The following HMGB2 variants were observed in gnomAD, a reference collection of about 807,000 sequenced individuals.
HMGB2 encodes the protein high mobility group box 2.
In HMGB2, 2 loss-of-function variants were observed where a neutral mutation model predicts 23.0. The observed-to-expected ratio is 0.09, with a 90% CI of 0.04 to 0.27. HMGB2 has a LOEUF of 0.27. Among genes scored for constraint, HMGB2 ranks in the 10% least tolerant of loss-of-function variants. HMGB2 has a pLI of 1.00. For synonymous variants in HMGB2, 99 were observed against 87.5 expected (o/e 1.13, Z -0.73); for missense variants, 178 against 256.5 (o/e 0.69, Z 2.09).
chr4:173,332,616 G>A (rs1291478536), intron 4 of HMGB2: 2 of 558,224 alleles, frequency 3.6e-6, no homozygotes, highest in East Asian at 2.9e-5. Flanking sequence ...AAGTCTGTCT[G>A]CAGGAATATA....
chr4:173,332,158 C>T lies in HMGB2; in HGVS notation c.552G>A (p.Lys184=). 1.2e-6 allele frequency: 2 copies of T among 1,613,452 alleles called. No homozygotes were observed. Among genetic ancestry groups the T allele is most frequent in the South Asian group, 1.1e-5 (1 of 91,042 alleles). The change falls in exon 5 of 5, where the codon AAG becomes AAA. Residue 184 remains lysine, a synonymous_variant. Coordinates refer to ENST00000296503, the MANE Select transcript of HMGB2 (RefSeq NM_002129.4). ...CCTCCTCCTCATCTTCTGGTTCGTT[C>T]TTCTTCTTTGAGCCTGTTGGCCTGC... ...GPGRPTGSKK[K]NEPEDEEEEE...
chr4:173,333,856 C>CCCT lies in HMGB2; in HGVS notation c.-20-190_-20-188dup, dbSNP rs532000010. Reference sequence around the variant, plus strand: ...GCCCCCGCCCGCGCCCCGGCGCACACCCTCCTCCTCCTCCTCCTCCCGGCC... The same window carrying CCCT: ...GCCCCCGCCCGCGCCCCGGCGCACACCCTCCTCCTCCTCCTCCTCCTCCCGGCC... On this transcript the variant is annotated intron_variant, in intron 1 of 4. Coordinates refer to ENST00000296503, the MANE Select transcript of HMGB2 (RefSeq NM_002129.4). The surrounding 1 kb of genome is among the most constrained non-coding windows in gnomAD (Gnocchi z 4.6). Among the ~76,000 whole-genome samples, 1,080 of 151,324 alleles carry CCCT rather than the reference C, an allele frequency of 7.1e-3. 8 individuals are homozygous for CCCT. The highest frequency in any genetic ancestry group is 0.024 in the African/African-American group (1,007 of 41,292).
Position 173,333,654 on chromosome 4 carries a change from A to G in HMGB2, c.-5T>C. The stretch of plus-strand genomic sequence containing the variant: ...GTTGGGGTCTCCTTTACCCATGTTG[A>G]CAGATCCGCGTCCACCTGACGGGGC... On this transcript the variant is annotated 5_prime_UTR_variant, in exon 2 of 5. Transcript: ENST00000296503. This position sits in a 1 kb window ranked among gnomAD's most constrained non-coding sequence, Gnocchi z 4.6. 2.5e-6 allele frequency: 4 copies of G among 1,605,274 alleles called. No homozygotes were observed. Among genetic ancestry groups the G allele is most frequent in the Non-Finnish European group, 2.6e-6 (3 of 1,175,176 alleles).
chr4:173,333,532 C>T lies in HMGB2; in HGVS notation c.118G>A (p.Glu40Lys). ...CTCTCCGAACACTTCTTGGAGAATTCCGCGAAATTGACGGAAGAGTCCGGG... is the reference window on the plus strand; with the variant it reads ...CTCTCCGAACACTTCTTGGAGAATTTCGCGAAATTGACGGAAGAGTCCGGG... ...KHPDSSVNFAEFSKKCSERWK... is the reference protein window; with the variant it reads ...KHPDSSVNFAKFSKKCSERWK... Residue 40 changes from glutamate to lysine, a missense_variant, in exon 2 of 5, where the codon GAA becomes AAA. Around this residue, in one of 3 missense-constraint regions of HMGB2, gnomAD observed 90 missense variants for 114.4 expected, o/e 0.79. Transcript: ENST00000296503. This position sits in a 1 kb window ranked among gnomAD's most constrained non-coding sequence, Gnocchi z 4.6. The T allele has an allele frequency of 6.2e-7, 1 of 1,614,110 alleles. No homozygotes were observed. The highest frequency in any genetic ancestry group is 1.1e-5 in the South Asian group (1 of 91,068).
chr4:173,333,909 T>C lies in HMGB2; in HGVS notation c.-20-240A>G, dbSNP rs560382891. 40 of 241,422 alleles carry C rather than the reference T, an allele frequency of 1.7e-4. No individual in the cohort carries two copies. The highest frequency in any genetic ancestry group is 8.2e-4 in the African/African-American group (36 of 44,024). 15.0% of individuals were successfully genotyped at this position (241,422 alleles called of 1,614,324 possible). On this transcript the variant is annotated intron_variant, in intron 1 of 4. Transcript: ENST00000296503. This position sits in a 1 kb window ranked among gnomAD's most constrained non-coding sequence, Gnocchi z 4.6. The stretch of plus-strand genomic sequence containing the variant: ...AGCGGCCGCGGCTCAGCCCAGCAAG[T>C]GGCTCCCGGGGCCCGAGACGCCGCC...
Position 173,332,068 on chromosome 4 carries a change from A to G in HMGB2, c.*12T>C. 1 of 1,613,862 alleles carries G rather than the reference A, an allele frequency of 6.2e-7. No homozygotes were observed. Among genetic ancestry groups the G allele is most frequent in the Non-Finnish European group, 8.5e-7 (1 of 1,179,928 alleles). ...CACACACATTCCACACGCATCATTA[A>G]AGGATAGCCATTTATTCTTCATCTT... On this transcript the variant is annotated 3_prime_UTR_variant, in exon 5 of 5. Coordinates refer to ENST00000296503, the MANE Select transcript of HMGB2 (RefSeq NM_002129.4).
rs1178414280 is a variant in HMGB2 at position 173,331,394 on chromosome 4, A to ATG, written c.*684_*685dup. Among the ~76,000 whole-genome samples, 134 of 138,872 alleles carry ATG rather than the reference A, an allele frequency of 9.6e-4. 2 individuals carry two copies. Among genetic ancestry groups the ATG allele is most frequent in the Middle Eastern group, 7.4e-3 (2 of 272 alleles). The allele number at this position is 138,872 out of a possible 152,430, so 91.1% of individuals were successfully genotyped here. ...TATATACATATATATATATATATAT[A>ATG]TGTATATATATATACACACACCTGA... On this transcript the variant is annotated 3_prime_UTR_variant, in exon 5 of 5. Coordinates refer to ENST00000296503, the MANE Select transcript of HMGB2 (RefSeq NM_002129.4).
rs1003227564 is a variant in HMGB2 at position 173,331,606 on chromosome 4, C to A, written c.*474G>T. On this transcript the variant is annotated 3_prime_UTR_variant, in exon 5 of 5. Transcript: ENST00000296503. ...TCAACTGTGTCTAAGAACTACTAGG[C>A]AGAAATACCGAAAAAAATCAACATA... 2 of 151,796 alleles carry A rather than the reference C, an allele frequency of 1.3e-5. No homozygotes were observed. Among genetic ancestry groups the A allele is most frequent in the African/African-American group, 4.9e-5 (2 of 41,190 alleles). The allele number at this position is 151,796 out of a possible 1,614,324, so 9.4% of individuals were successfully genotyped here.
Position 173,332,076 on chromosome 4 carries a change from C to A in HMGB2, c.*4G>T. ...TTCCACACGCATCATTAAAGGATAG[C>A]CATTTATTCTTCATCTTCATCCTCT... On this transcript the variant is annotated 3_prime_UTR_variant, in exon 5 of 5. Transcript: ENST00000296503. 2 of 1,613,712 alleles carry A rather than the reference C, an allele frequency of 1.2e-6. No individual in the cohort carries two copies. Among genetic ancestry groups the A allele is most frequent in the Non-Finnish European group, 8.5e-7 (1 of 1,179,790 alleles).
intron 4 of HMGB2, 64 bp from the exon 5 acceptor site, chr4:173,332,302 T>C (rs1287927999): frequency 1.6e-6 from 2 of 1,240,662 alleles, no homozygotes; most frequent in East Asian, 4.7e-5. Flanking sequence ...AACCACTTAG[T>C]TGTAAACAAT....
chr4:173,333,845 C>G lies in HMGB2; in HGVS notation c.-20-176G>C, dbSNP rs1365444674. On this transcript the variant is annotated intron_variant, in intron 1 of 4. Transcript: ENST00000296503. The surrounding 1 kb of genome is among the most constrained non-coding windows in gnomAD (Gnocchi z 4.6). ...CGGCCGCCCGCGCCCCCGCCCGCGC[C>G]CCGGCGCACACCCTCCTCCTCCTCC... Among the ~76,000 whole-genome samples the G allele has an allele frequency of 6.6e-6, 1 of 151,548 alleles. No individual in the cohort carries two copies. The highest frequency in any genetic ancestry group is 1.5e-5 in the Non-Finnish European group (1 of 67,824).
rs930020982 is a variant in HMGB2, at chr4:173,333,382, C to G, written c.150+118G>C. 7.2e-6 allele frequency: 10 copies of G among 1,396,446 alleles called. No homozygotes were observed. The Admixed American group carries it at 2.0e-4, about 28-fold the overall frequency. 86.5% of individuals were successfully genotyped at this position (1,396,446 alleles called of 1,614,324 possible). A position where few individuals can be genotyped will look rare whatever the true frequency, so the allele number is the denominator to read the frequency against. On this transcript the variant is annotated intron_variant, in intron 2 of 4. Coordinates refer to ENST00000296503, the MANE Select transcript of HMGB2 (RefSeq NM_002129.4). This position sits in a 1 kb window ranked among gnomAD's most constrained non-coding sequence, Gnocchi z 4.6. The stretch of plus-strand genomic sequence containing the variant: ...GTCTGCCTGGAACTCTTAAGATATT[C>G]AGGTGAGTCACTGGGGTGGCAAAGT...
chr4:173,332,534 ATTTC>A (rs949083186), intron 4 of HMGB2: 23 of 473,378 alleles, frequency 4.9e-5, no homozygotes, highest in Admixed American at 7.5e-5. Context: ...ACATAAAACA[ATTTC>A]TTTGACTCTC....
Position 173,333,770 on chromosome 4 carries a change from G to T in HMGB2, c.-20-101C>A. On this transcript the variant is annotated intron_variant, in intron 1 of 4. Transcript: ENST00000296503. This position sits in a 1 kb window ranked among gnomAD's most constrained non-coding sequence, Gnocchi z 4.6. The stretch of plus-strand genomic sequence containing the variant: ...GGGGCTCCGCTTCCCGCCCAAATCC[G>T]CTCCCGCCCTGCCCGCGCCCCCCTC... The T allele has an allele frequency of 1.1e-6, 1 of 888,822 alleles. No homozygotes were observed. 55.1% of individuals were successfully genotyped at this position (888,822 alleles called of 1,614,324 possible). A position where few individuals can be genotyped will look rare whatever the true frequency, so the allele number is the denominator to read the frequency against.
rs757391852 is a variant in HMGB2 at position 173,333,474 on chromosome 4, T to C, written c.150+26A>G. 2 of 1,601,542 alleles carry C rather than the reference T, an allele frequency of 1.2e-6. No individual in the cohort carries two copies. The highest frequency in any genetic ancestry group is 1.3e-5 in the African/African-American group (1 of 74,780). On this transcript the variant is annotated intron_variant, in intron 2 of 4. Transcript: ENST00000296503. The surrounding 1 kb of genome is among the most constrained non-coding windows in gnomAD (Gnocchi z 4.6). ...AGCCGAAAACCACACCTGCACCCCC[T>C]GAGCTCCGTCCCTCTCCTGCCTCAC...
chr4:173,332,779 T>C, intron 4 of HMGB2, 42 bp downstream of exon 4: 4 of 1,550,162 alleles, frequency 2.6e-6, no homozygotes, highest in Non-Finnish European at 3.6e-6. Context: ...TTATTACCTA[T>C]ACCTAGTCTT....
intron 4 of HMGB2, chr4:173,332,553 TAAA>T (rs199668972): frequency 0.052 from 21,241 of 407,830 alleles, 841 homozygotes; most frequent in African/African-American, 0.13. Context: ...ACTCTCTGCT[TAAA>T]AAAAAAAATA....
At position 173,333,412 on chromosome 4, in the gene HMGB2, G is replaced by A. The variant is rs1738159197; in HGVS notation, c.150+88C>T. 9 of 1,494,526 alleles carry A rather than the reference G, an allele frequency of 6.0e-6. No homozygotes were observed. Among genetic ancestry groups the A allele is most frequent in the African/African-American group, 1.4e-5 (1 of 71,542 alleles). 92.6% of individuals were successfully genotyped at this position (1,494,526 alleles called of 1,614,324 possible). ...GAGTCACTGGGGTGGCAAAGTTGAA[G>A]CTCATGAGTTGCCTACTACCTGCCT... On this transcript the variant is annotated intron_variant, in intron 2 of 4. Coordinates refer to ENST00000296503, the MANE Select transcript of HMGB2 (RefSeq NM_002129.4). This position sits in a 1 kb window ranked among gnomAD's most constrained non-coding sequence, Gnocchi z 4.6.
Position 173,333,001 on chromosome 4 carries a change from A to G in HMGB2, c.297-6T>C. ...AAAACAGGAAGAAGGCAGATCTGAA[A>G]GGAAGCAACAGAGTTTAATAAACTG... On this transcript the variant is annotated splice_region_variant and splice_polypyrimidine_tract_variant and intron_variant, in intron 3 of 4. Coordinates refer to ENST00000296503, the MANE Select transcript of HMGB2 (RefSeq NM_002129.4). The surrounding 1 kb of genome is among the most constrained non-coding windows in gnomAD (Gnocchi z 4.6). 3 of 1,613,752 alleles carry G rather than the reference A, an allele frequency of 1.9e-6. No individual in the cohort carries two copies. The highest frequency in any genetic ancestry group is 2.5e-6 in the Non-Finnish European group (3 of 1,179,696).
Sources: allele counts gnomAD v4.1 joint callset (sites outside exome capture counted in the v4.1 genomes callset), GRCh38; gene constraint gnomAD v4.1.1; regional missense constraint gnomAD v4.1.1; non-coding constraint Gnocchi (gnomAD v3.1); transcripts MANE v1.5; gene names NCBI Gene and HGNC (gene_info 2026-07-23, HGNC 2026-07-21).